The following ENGASE variants were observed in gnomAD, a reference collection of about 807,000 sequenced individuals.
ENGASE encodes the protein cytosolic endo-beta-N-acetylglucosaminidase.
ENGASE carries 69 observed loss-of-function variants against 78.5 expected under a neutral mutation model. The ratio of observed to expected loss-of-function variants is 0.88; its 90% CI spans 0.72 to 1.07. The LOEUF (loss-of-function observed/expected upper bound fraction) is 1.07, where lower values mean the gene tolerates loss of function less well. Among genes scored for constraint, ENGASE ranks in the 50% least tolerant of loss-of-function variants. ENGASE has a pLI of 0.00. For missense variants in ENGASE, 943 were observed against 988.4 expected, an observed-to-expected ratio of 0.95 and a Z score of 0.62; for synonymous variants, 408 against 408.9, an observed-to-expected ratio of 1.00 and a Z score of 0.03.
rs55950748 is a variant in ENGASE at position 79,081,749 on chromosome 17, T to TGTGGGGTGGGGTGGGGTGGG, written c.873-128_873-109dup. 67 of 636,900 alleles carry TGTGGGGTGGGGTGGGGTGGG rather than the reference T, an allele frequency of 1.1e-4. 1 individual carries two copies. The highest frequency in any genetic ancestry group is 6.3e-4 in the South Asian group (30 of 47,792). 39.5% of individuals were successfully genotyped at this position (636,900 alleles called of 1,614,324 possible). On this transcript the variant is annotated intron_variant, in intron 6 of 13. Coordinates refer to ENST00000579016, the MANE Select transcript of ENGASE (RefSeq NM_001042573.3). ...TCTAGGAGGGGAAAGGCTGAGGCTG[T>TGTGGGGTGGGGTGGGGTGGG]GTGGGGTGGGGTGGGGTGGGGTGGG...
At chr17:79,075,848 A>G (rs2072956360) in intron 1 of ENGASE, 2 of 985,346 alleles carry the variant, frequency 2.0e-6, no homozygotes, top group African/African-American at 3.5e-5. Flanking sequence ...AGGAATGTGG[A>G]GATGGCTCTT....
chr17:79,081,938 A>T lies in ENGASE; in HGVS notation c.913A>T (p.Asn305Tyr). The T allele has an allele frequency of 6.2e-7, 1 of 1,614,016 alleles. No homozygotes were observed. The highest frequency in any genetic ancestry group is 8.5e-7 in the Non-Finnish European group (1 of 1,179,990). Residue 305 changes from asparagine to tyrosine, a missense_variant, in exon 7 of 14, where the codon AAC becomes TAC. Asn to Tyr is a moderately radical substitution (Grantham distance 143, BLOSUM62 -2). Coordinates refer to ENST00000579016, the MANE Select transcript of ENGASE (RefSeq NM_001042573.3). ...CTGCGACGGCTTCTTCACTAACTAT[A>T]ACTGGCGGGAGGAGCACTTGGAGCG... is the stretch of plus-strand genomic sequence containing the variant. ...DSCDGFFTNY[N>Y]WREEHLERML...
chr17:79,077,748 G>A lies in ENGASE; in HGVS notation c.300G>A (p.Leu100=), dbSNP rs1056945191. Residue 100 remains leucine, a synonymous_variant, in exon 3 of 14, where the codon TTG becomes TTA. Transcript: ENST00000579016. ...LEELLAWKPR[L]EDGFNVALEP... The stretch of plus-strand genomic sequence containing the variant: ...AGCTCTTGGCGTGGAAGCCCCGCTT[G>A]GAGGATGGCTTTAATGTGGCCCTGG... 2 of 1,614,204 alleles carry A rather than the reference G, an allele frequency of 1.2e-6. No homozygotes were observed. Among genetic ancestry groups the A allele is most frequent in the Non-Finnish European group, 1.7e-6 (2 of 1,180,050 alleles).
rs768295261 is a variant in ENGASE, at chr17:79,085,693, C to T, written c.1774C>T (p.Arg592Trp). 2.8e-5 allele frequency: 45 copies of T among 1,613,808 alleles called. No individual in the cohort carries two copies. Among genetic ancestry groups the T allele is most frequent in the African/African-American group, 2.4e-4 (18 of 74,930 alleles). Reference sequence around the variant, plus strand: ...TTGCTTCTCACGGCCGCCGGGTAGTCGGGAGGAGGAGAGCTTCACCTGTCG... The same window carrying T: ...TTGCTTCTCACGGCCGCCGGGTAGTTGGGAGGAGGAGAGCTTCACCTGTCG... The part of the protein sequence containing the change: ...LVCFSRPPGS[R>W]EEESFTCRLG... Residue 592 changes from arginine (R) to tryptophan (W), a missense_variant, in exon 13 of 14, where the codon CGG (arginine) becomes TGG (tryptophan). Coordinates refer to ENST00000579016, the MANE Select transcript of ENGASE (RefSeq NM_001042573.3).
chr17:79,082,349 TG>T, intron 7 of ENGASE: 1 of 1,316,224 alleles, frequency 7.6e-7, no homozygotes, highest in Non-Finnish European at 9.8e-7. Flanking sequence ...TCGGCGGGCC[TG>T]GGCCTCCTGT....
chr17:79,082,087 G>A, intron 7 of ENGASE, 24 bp downstream of exon 7: 1 of 1,614,112 alleles, frequency 6.2e-7, no homozygotes, highest in Non-Finnish European at 8.5e-7. Flanking sequence ...TTCGTCCAAG[G>A]GCCAGCGGCC....
chr17:79,085,816 C>A (rs2073282033), intron 13 of ENGASE, 82 bp downstream of exon 13: 1 of 1,600,112 alleles, frequency 6.2e-7, no homozygotes, highest in East Asian at 2.2e-5. Context: ...AGGCCGCCCC[C>A]TTCTTGGGTT....
In ENGASE at chr17:79,087,179, A is replaced by G. The variant is rs2073341012; in HGVS notation, c.*830A>G. On this transcript the variant is annotated 3_prime_UTR_variant, in exon 14 of 14. Transcript: ENST00000579016. ...GACAAGCCGCCCTTCAGGCTGGGGT[A>G]GCAGGTCAGTCCAGGCAGGAAGCAG... The G allele has an allele frequency of 9.9e-6, 4 of 403,324 alleles. No individual in the cohort carries two copies. The highest frequency in any genetic ancestry group is 2.0e-5 in the Non-Finnish European group (4 of 196,398). The allele number at this position is 403,324 out of a possible 1,614,324, so 25.0% of individuals were successfully genotyped here.
In ENGASE at chr17:79,084,584, A is replaced by G; in HGVS notation, c.1489A>G (p.Met497Val). ...AGTGCCACCCAAGATTTACCTGTCC[A>G]TGGTGTATAAGCTTGAGGGGCCCAC... ...APVPPKIYLS[M>V]VYKLEGPTDV... Residue 497 changes from methionine to valine, a missense_variant, in exon 11 of 14, where the codon ATG becomes GTG. Physicochemically the swap from Met to Val is conservative, Grantham distance 21. Coordinates refer to ENST00000579016, the MANE Select transcript of ENGASE (RefSeq NM_001042573.3). 6.2e-7 allele frequency: 1 copy of G among 1,605,310 alleles called. No homozygotes were observed. Among genetic ancestry groups the G allele is most frequent in the East Asian group, 2.3e-5 (1 of 44,434 alleles).
chr17:79,080,785 G>A (rs959236824), intron 5 of ENGASE, 140 bp from the exon 6 acceptor site: 21 of 1,139,688 alleles, frequency 1.8e-5, no homozygotes, highest in Middle Eastern at 3.0e-4. Context: ...CGGGGCTGTG[G>A]CGGGGAGGGC....
chr17:79,077,310 T>A, intron 1 of ENGASE, 120 bp from the exon 2 acceptor site: 1 of 881,144 alleles, frequency 1.1e-6, no homozygotes, highest in Non-Finnish European at 1.7e-6. Context: ...ATAGTTAATA[T>A]TAAACAACAT....
chr17:79,080,412 G>C, intron 5 of ENGASE, 48 bp downstream of exon 5: 1 of 1,591,356 alleles, frequency 6.3e-7, no homozygotes, highest in African/African-American at 1.4e-5. Flanking sequence ...CTGTGTTGCC[G>C]CCCACCTCCA....
Position 79,086,235 on chromosome 17 carries a change from G to C in ENGASE, c.2118G>C (p.Gly706=). Residue 706 remains glycine, a synonymous_variant, in exon 14 of 14, where the codon GGG becomes GGC. Transcript: ENST00000579016. Reference sequence around the variant, plus strand: ...TGGACCTGCTGGTGGAAGCCGCCGGGCCCGGCCAGGATCGTCGCATGGAAT... The same window carrying C: ...TGGACCTGCTGGTGGAAGCCGCCGGCCCCGGCCAGGATCGTCGCATGGAAT... ...RIVDLLVEAA[G]PGQDRRMEFL... is the part of the protein sequence containing the mutation. The C allele has an allele frequency of 2.5e-6, 4 of 1,613,560 alleles. No homozygotes were observed. Among genetic ancestry groups the C allele is most frequent in the Non-Finnish European group, 3.4e-6 (4 of 1,180,050 alleles).
chr17:79,075,210 C>G, intron 1 of ENGASE, 120 bp downstream of exon 1: 4 of 1,113,540 alleles, frequency 3.6e-6, no homozygotes, highest in Non-Finnish European at 4.5e-6. Flanking sequence ...TGTGTCCGCT[C>G]CGTGCACAGT....
In ENGASE at chr17:79,087,074, C is replaced by T; in HGVS notation, c.*725C>T. 2.2e-6 allele frequency: 1 copy of T among 463,814 alleles called. No homozygotes were observed. The highest frequency in any genetic ancestry group is 6.7e-5 in the East Asian group (1 of 14,892). 28.7% of individuals were successfully genotyped at this position (463,814 alleles called of 1,614,324 possible). A position where few individuals can be genotyped will look rare whatever the true frequency, so the allele number is the denominator to read the frequency against. ...CTGGCTCTGCGGCGTCTCTTCCGGGCTGTGGGCATGCAGGGAAGTGGCTCT... is the reference window on the plus strand; with the variant it reads ...CTGGCTCTGCGGCGTCTCTTCCGGGTTGTGGGCATGCAGGGAAGTGGCTCT... On this transcript the variant is annotated 3_prime_UTR_variant, in exon 14 of 14. Coordinates refer to ENST00000579016, the MANE Select transcript of ENGASE (RefSeq NM_001042573.3).
At chr17:79,078,901 T>C (rs1177676600) in intron 3 of ENGASE, among the ~76,000 whole-genome samples, 2 of 152,168 alleles carry the variant, frequency 1.3e-5, no homozygotes, top group Non-Finnish European at 2.9e-5. Context: ...CTTCCCCTCC[T>C]TTCTCTCCCT....
chr17:79,079,789 A>G (rs2073078865), intron 4 of ENGASE, 152 bp downstream of exon 4: 1 of 924,180 alleles, frequency 1.1e-6, no homozygotes, highest in South Asian at 1.8e-5. Flanking sequence ...AGGCAGCTGC[A>G]GGCTTTTTCT....
At chr17:79,075,626 G>C in intron 1 of ENGASE, 1 of 927,168 alleles carries the variant, frequency 1.1e-6, no homozygotes, top group Non-Finnish European at 1.3e-6. Flanking sequence ...TGCCCCTCTG[G>C]GCTGGGCTTC....
In ENGASE at chr17:79,080,357, C is replaced by T. The variant is rs550281003; in HGVS notation, c.716C>T (p.Ser239Leu). Residue 239 changes from serine (S) to leucine (L), a missense_variant, in exon 5 of 14, where the codon TCG becomes TTG. Physicochemically the swap from Ser to Leu is moderately radical, Grantham distance 145 (BLOSUM62 -2). Transcript: ENST00000579016. ...FDGWLINIEN[S>L]LSLAAVGNMP... ...GGCTGGCTGATCAACATCGAGAACT[C>T]GCTGAGTGTGAGTGCCCAGCCCTCA... 3.7e-5 allele frequency: 60 copies of T among 1,613,106 alleles called. 2 individuals are homozygous for T. In the South Asian group the frequency reaches 3.8e-4, roughly 10 times the overall value.
Sources: gnomAD v4.1 joint callset for allele counts (sites outside exome capture counted in the v4.1 genomes callset) on GRCh38, gnomAD v4.1.1 for gene constraint, MANE v1.5 for transcripts, NCBI Gene and HGNC (gene_info 2026-07-23, HGNC 2026-07-21) for gene names.